PPCDC: variants seen among roughly 807,000 people sequenced by gnomAD.
PPCDC encodes the protein phosphopantothenoylcysteine decarboxylase.
In PPCDC, 20 loss-of-function variants were observed where a neutral mutation model predicts 20.7. The observed-to-expected ratio is 0.97, with a 90% confidence interval of 0.68 to 1.41. The LOEUF (loss-of-function observed/expected upper bound fraction) is 1.41. Among genes scored for constraint, PPCDC ranks in the 40% most tolerant of loss-of-function variants. The pLI is 0.00. For missense variants in PPCDC, 246 were observed against 263.8 expected (o/e 0.93, Z 0.47); for synonymous variants, 88 against 100.3 (o/e 0.88, Z 0.73).
chr15:75,023,912 C>T (rs1324838576), intron 1 of PPCDC, among the ~76,000 whole-genome samples: 1 of 152,180 alleles, frequency 6.6e-6, no homozygotes, highest in Non-Finnish European at 1.5e-5. Context: ...CTTTGTGCTG[C>T]TCTGCGATTA....
At chr15:75,034,345 G>A (rs73438534) in intron 2 of PPCDC, among the ~76,000 whole-genome samples, 6,735 of 152,168 alleles carry the variant, frequency 0.044, 481 homozygotes, top group African/African-American at 0.14. Flanking sequence ...GGGGTTACCT[G>A]TACCCCACCT....
intron 1 of PPCDC, 97 bp downstream of exon 1, chr15:75,023,723 C>G (rs2065930991): frequency 6.6e-6 from 1 of 152,432 alleles, no homozygotes; most frequent in South Asian, 2.1e-4. Context: ...CCACGGCTGT[C>G]TGTGTGTGTC....
At chr15:75,033,513 G>GT (rs1466795760) in intron 2 of PPCDC, among the ~76,000 whole-genome samples, 13 of 148,034 alleles carry the variant, frequency 8.8e-5, no homozygotes, top group Non-Finnish European at 1.4e-4. Context: ...TTGTGTGTGT[G>GT]TGTTTTTTTG....
intron 2 of PPCDC, among the ~76,000 whole-genome samples, chr15:75,042,918 G>T (rs2066170658): frequency 6.6e-6 from 1 of 152,232 alleles, no homozygotes; most frequent in Non-Finnish European, 1.5e-5. Context: ...GTTCCTAGAA[G>T]TACGTGAAGG....
At chr15:75,027,860 C>G (rs1282790752) in intron 1 of PPCDC, among the ~76,000 whole-genome samples, 3 of 152,238 alleles carry the variant, frequency 2.0e-5, no homozygotes, top group Non-Finnish European at 2.9e-5. Context: ...GTTCCCCAAC[C>G]TGCCACCCTC....
At chr15:75,042,493 A>C (rs1229960318) in intron 2 of PPCDC, among the ~76,000 whole-genome samples, 2 of 151,978 alleles carry the variant, frequency 1.3e-5, no homozygotes, top group Non-Finnish European at 2.9e-5. Flanking sequence ...TCTCTACTAA[A>C]AACACAAAAA....
intron 4 of PPCDC, 192 bp downstream of exon 4, chr15:75,044,706 T>A (rs2066206753): frequency 2.7e-6 from 2 of 730,692 alleles, no homozygotes; most frequent in Non-Finnish European, 4.2e-6. Context: ...GCCCTGGTCC[T>A]GATGGGTCAG....
At chr15:75,038,834 C>A (rs1222258201) in intron 2 of PPCDC, among the ~76,000 whole-genome samples, 8 of 151,774 alleles carry the variant, frequency 5.3e-5, no homozygotes, top group Non-Finnish European at 1.0e-4. Flanking sequence ...ATTCAATTTT[C>A]TCATCTTTTT....
chr15:75,030,609 C>T (rs2066009892), intron 2 of PPCDC, among the ~76,000 whole-genome samples: 1 of 152,196 alleles, frequency 6.6e-6, no homozygotes, highest in Admixed American at 6.5e-5. Flanking sequence ...CACTCCCCTT[C>T]ACTCCCTGAT....
rs1438871316 is a variant in PPCDC at position 75,049,883 on chromosome 15, A to T, written c.*648A>T. The T allele has an allele frequency of 6.6e-6, 1 of 152,184 alleles. No homozygotes were observed. Among genetic ancestry groups the T allele is most frequent in the African/African-American group, 2.4e-5 (1 of 41,392 alleles). 9.4% of individuals were successfully genotyped at this position (152,184 alleles called of 1,614,324 possible). On this transcript the variant is annotated 3_prime_UTR_variant, in exon 6 of 6. Transcript: ENST00000342932. ...TATAACATGGTGGTTAAGGATAAAG[A>T]TCTGAAGCCAGACAGCCCCTAGTTC...
chr15:75,030,818 A>G (rs2066011969), intron 2 of PPCDC, among the ~76,000 whole-genome samples: 1 of 152,058 alleles, frequency 6.6e-6, no homozygotes, highest in Non-Finnish European at 1.5e-5. Flanking sequence ...GGGGGATTCT[A>G]CAGATCTGGC....
intron 4 of PPCDC, among the ~76,000 whole-genome samples, chr15:75,048,267 T>G (rs1419126442): frequency 1.3e-5 from 2 of 151,784 alleles, no homozygotes; most frequent in African/African-American, 4.9e-5. Flanking sequence ...TCCCAGGAGG[T>G]GTGAGCCTAC....
At chr15:75,028,766 G>T (rs989211483) in intron 2 of PPCDC, among the ~76,000 whole-genome samples, 1 of 152,168 alleles carries the variant, frequency 6.6e-6, no homozygotes, top group African/African-American at 2.4e-5. Flanking sequence ...TGGGAGGAGG[G>T]CTGGCTGGAG....
rs2065983074 is a variant in PPCDC at position 75,028,413 on chromosome 15, A to T, written c.95A>T (p.Lys32Met). Residue 32 changes from lysine (K) to methionine (M), a missense_variant, in exon 2 of 6, where the codon AAG becomes ATG. Physicochemically the swap from Lys to Met is moderately conservative, Grantham distance 95. Coordinates refer to ENST00000342932, the MANE Select transcript of PPCDC (RefSeq NM_021823.5). ...GTCACGGGGAGTGTCGCAGCCCTGA[A>T]GTTGCCTCTTCTGGTGTCAAAGCTT... ...VGVTGSVAAL[K>M]LPLLVSKLLD... 6.2e-7 allele frequency: 1 copy of T among 1,614,202 alleles called. No homozygotes were observed. Among genetic ancestry groups the T allele is most frequent in the African/African-American group, 1.3e-5 (1 of 75,036 alleles).
intron 2 of PPCDC, among the ~76,000 whole-genome samples, chr15:75,042,161 T>A (rs981430717): frequency 6.6e-6 from 1 of 152,236 alleles, no homozygotes; most frequent in Admixed American, 6.5e-5. Context: ...ACATGGCCCA[T>A]GACTATAGCT....
At chr15:75,028,485 C>T in intron 2 of PPCDC, 32 bp downstream of exon 2, 1 of 1,613,726 alleles carries the variant, frequency 6.2e-7, no homozygotes, top group South Asian at 1.1e-5. Context: ...GCATGGCAGC[C>T]TCCGGCATGG....
chr15:75,042,514 G>A (rs1373771883), intron 2 of PPCDC, among the ~76,000 whole-genome samples: 2 of 151,994 alleles, frequency 1.3e-5, no homozygotes, highest in Non-Finnish European at 2.9e-5. Context: ...TTAGCCAGGC[G>A]TGGTGGTGTG....
intron 4 of PPCDC, among the ~76,000 whole-genome samples, chr15:75,047,307 T>C (rs1192405077): frequency 3.3e-5 from 5 of 152,168 alleles, no homozygotes; most frequent in African/African-American, 1.2e-4. Context: ...GGCTGCCGTA[T>C]TGAGAGGGCT....
Position 75,038,630 on chromosome 15 carries a change from A to G in PPCDC, c.136-4811A>G, listed in dbSNP as rs890995481. 2.0e-5 allele frequency among the ~76,000 whole-genome samples: 3 copies of G among 152,164 alleles called. No individual in the cohort carries two copies. The South Asian group carries it at 6.2e-4, about 32-fold the overall frequency. On this transcript the variant is annotated intron_variant, in intron 2 of 5. Transcript: ENST00000342932. ...GTGGGCTCAGGCTGCACCAATAGAC[A>G]TGACGCTCTAATTTCTTCATGAACC...
Sources: allele counts gnomAD v4.1 joint callset (sites outside exome capture counted in the v4.1 genomes callset), GRCh38; gene constraint gnomAD v4.1.1; transcripts MANE v1.5; gene names NCBI Gene and HGNC (gene_info 2026-07-23, HGNC 2026-07-21).